PHLPP1: variants seen among roughly 807,000 people sequenced by gnomAD.
The protein encoded by PHLPP1 is PH domain and leucine rich repeat protein phosphatase 1.
A neutral mutation model predicts 117.2 loss-of-function variants in PHLPP1; 42 were observed. That is an observed-to-expected ratio of 0.36 (90% confidence interval 0.28 to 0.46). The LOEUF (loss-of-function observed/expected upper bound fraction) is 0.46, where lower values mean the gene tolerates loss of function less well. Among genes scored for constraint, PHLPP1 ranks in the 20% least tolerant of loss-of-function variants. The probability of loss-of-function intolerance (pLI) is 1.00; values close to 1 mark genes in which losing one functional copy is unlikely to be tolerated. For synonymous variants in PHLPP1, 1,042 were observed against 970.7 expected (o/e 1.07, Z -1.37); for missense variants, 2,084 against 2,241.9 (o/e 0.93, Z 1.42).
intron 1 of PHLPP1, among the ~76,000 whole-genome samples, chr18:62,726,377 G>A (rs1911070869): frequency 6.6e-6 from 1 of 151,486 alleles, no homozygotes. Context: ...TTCTTTGGGA[G>A]TTACATAGAG....
chr18:62,966,397 A>G (rs1910905286), intron 14 of PHLPP1, among the ~76,000 whole-genome samples: 1 of 150,950 alleles, frequency 6.6e-6, no homozygotes, highest in Non-Finnish European at 1.5e-5. Context: ...CTTTTTATTA[A>G]TTTATATATG....
chr18:62,819,137 GT>G (rs1914373160), intron 1 of PHLPP1, among the ~76,000 whole-genome samples: 1 of 152,178 alleles, frequency 6.6e-6, no homozygotes, highest in African/African-American at 2.4e-5. Context: ...TCAGTAACAT[GT>G]AAGGAAACAA....
At chr18:62,892,308 C>A (rs777359829) in intron 4 of PHLPP1, among the ~76,000 whole-genome samples, 1 of 151,630 alleles carries the variant, frequency 6.6e-6, no homozygotes, top group African/African-American at 2.4e-5. Flanking sequence ...AGGCTGGTCT[C>A]GAACTCCTGA....
chr18:62,800,447 G>A (rs1436731432), intron 1 of PHLPP1, among the ~76,000 whole-genome samples: 1 of 152,178 alleles, frequency 6.6e-6, no homozygotes, highest in Admixed American at 6.5e-5. Flanking sequence ...TGGCTCTATA[G>A]TTAATATTAG....
chr18:62,901,628 C>CTTTT (rs543110023), intron 6 of PHLPP1, among the ~76,000 whole-genome samples: 1 of 142,790 alleles, frequency 7.0e-6, no homozygotes, highest in African/African-American at 2.6e-5. Context: ...CTCCTTTTTT[C>CTTTT]TTTTTTTTTT....
intron 4 of PHLPP1, among the ~76,000 whole-genome samples, chr18:62,891,584 C>CA (rs1568151767): frequency 1.3e-5 from 2 of 151,034 alleles, no homozygotes; most frequent in African/African-American, 4.9e-5. Context: ...GACTCCGTCT[C>CA]AAAAAAAGAA....
chr18:62,840,511 G>C (rs1019921754), intron 3 of PHLPP1, among the ~76,000 whole-genome samples: 2 of 152,100 alleles, frequency 1.3e-5, no homozygotes, highest in African/African-American at 4.8e-5. Context: ...ATACCATTGG[G>C]CTTTTATATT....
At chr18:62,836,023 C>T (rs999109097) in intron 2 of PHLPP1, among the ~76,000 whole-genome samples, 2 of 151,702 alleles carry the variant, frequency 1.3e-5, no homozygotes, top group Non-Finnish European at 1.5e-5. Flanking sequence ...TCAAATGATT[C>T]GCCTGCCTCA....
chr18:62,744,602 T>C (rs1911624110), intron 1 of PHLPP1, among the ~76,000 whole-genome samples: 1 of 152,198 alleles, frequency 6.6e-6, no homozygotes, highest in Non-Finnish European at 1.5e-5. Flanking sequence ...TAGTAGGTGC[T>C]CAATTCTTAT....
At chr18:62,955,629 C>T (rs918462966) in intron 12 of PHLPP1, among the ~76,000 whole-genome samples, 1 of 152,176 alleles carries the variant, frequency 6.6e-6, no homozygotes, top group Non-Finnish European at 1.5e-5. Flanking sequence ...GTCTGCATTA[C>T]AGCCTGCAGC....
Position 62,820,458 on chromosome 18 carries a change from T to C in PHLPP1, c.1577-9577T>C, listed in dbSNP as rs541806182. Among the ~76,000 whole-genome samples the C allele has an allele frequency of 3.3e-5, 5 of 152,346 alleles. No individual in the cohort carries two copies. In the South Asian group the frequency reaches 1.0e-3, roughly 32 times the overall value. ...GTCCCCACCCAAATTTCATCTTGAA[T>C]TGTAATCCCCATAATACCCACATGT... On this transcript the variant is annotated intron_variant, in intron 1 of 16. Coordinates refer to ENST00000262719, the MANE Select transcript of PHLPP1 (RefSeq NM_194449.4).
At chr18:62,830,680 AG>A (rs1914735121) in intron 2 of PHLPP1, among the ~76,000 whole-genome samples, 1 of 151,978 alleles carries the variant, frequency 6.6e-6, no homozygotes, top group South Asian at 2.1e-4. Flanking sequence ...CGGTTGGTGG[AG>A]CTGTGGGGAA....
At chr18:62,955,868 T>A (rs1194762264) in intron 12 of PHLPP1, among the ~76,000 whole-genome samples, 1 of 152,198 alleles carries the variant, frequency 6.6e-6, no homozygotes, top group Admixed American at 6.5e-5. Flanking sequence ...TTATTTCCTG[T>A]CCCATCAGTG....
chr18:62,931,878 GAAAAAAA>G (rs61550621), intron 10 of PHLPP1, among the ~76,000 whole-genome samples: 8 of 76,474 alleles, frequency 1.0e-4, no homozygotes, highest in African/African-American at 1.3e-4. Flanking sequence ...CTGGGCGACA[GAAAAAAA>G]AAAAAAAAAA....
intron 7 of PHLPP1, among the ~76,000 whole-genome samples, chr18:62,903,557 G>A (rs1196144526): frequency 2.0e-5 from 3 of 151,884 alleles, no homozygotes; most frequent in Admixed American, 1.3e-4. Flanking sequence ...GACTCCATTC[G>A]GGATCTCCAG....
Position 62,978,924 on chromosome 18 carries a change from T to C in PHLPP1, c.4647T>C (p.Asp1549=). The change falls in exon 17 of 17, where the codon GAT becomes GAC. Residue 1549 remains aspartate, a synonymous_variant. Transcript: ENST00000262719. The surrounding 1 kb of genome is among the most constrained non-coding windows in gnomAD (Gnocchi z 7.0). ...CCGACAACGGCCTTGACAGTGACGA[T>C]GAGGAGCCCATCGAGGGCGTCTTCA... ...AFSDNGLDSD[D]EEPIEGVFTN... 6.2e-7 allele frequency: 1 copy of C among 1,608,686 alleles called. No homozygotes were observed. Among genetic ancestry groups the C allele is most frequent in the South Asian group, 1.1e-5 (1 of 90,048 alleles).
chr18:62,844,655 C>CACACAA (rs1355840779), intron 3 of PHLPP1, among the ~76,000 whole-genome samples: 1 of 152,138 alleles, frequency 6.6e-6, no homozygotes, highest in African/African-American at 2.4e-5. Flanking sequence ...AAGATGAGGA[C>CACACAA]TCTTCTTACA....
At chr18:62,786,002 C>T (rs1913272871) in intron 1 of PHLPP1, among the ~76,000 whole-genome samples, 1 of 152,224 alleles carries the variant, frequency 6.6e-6, no homozygotes, top group Non-Finnish European at 1.5e-5. Flanking sequence ...CTTTCTATCC[C>T]TGCCTTAACT....
Position 62,958,722 on chromosome 18 carries a change from C to T in PHLPP1, c.3418C>T (p.Arg1140Cys), listed in dbSNP as rs367811575. 6.2e-5 allele frequency: 100 copies of T among 1,613,976 alleles called. 1 individual carries two copies. The South Asian group carries it at 7.5e-4, about 12-fold the overall frequency. ...LQELDLTGNPRLVLDHKTLEL... is the reference protein window; with the variant it reads ...LQELDLTGNPCLVLDHKTLEL... ...GGAGCTAGACCTGACTGGAAACCCGCGCCTTGTCCTTGATCACAAAACCCT... is the reference window on the plus strand; with the variant it reads ...GGAGCTAGACCTGACTGGAAACCCGTGCCTTGTCCTTGATCACAAAACCCT... Residue 1140 changes from arginine to cysteine, a missense_variant, in exon 13 of 17, where the codon CGC (arginine) becomes TGC (cysteine). Physicochemically the swap from Arg to Cys is radical, Grantham distance 180. Transcript: ENST00000262719.
Sources: gnomAD v4.1 joint callset for allele counts (sites outside exome capture counted in the v4.1 genomes callset) on GRCh38, gnomAD v4.1.1 for gene constraint, Gnocchi (gnomAD v3.1) non-coding constraint, MANE v1.5 for transcripts, NCBI Gene and HGNC (gene_info 2026-07-23, HGNC 2026-07-21) for gene names.